Variants in RARB observed in about 807,000 individuals in gnomAD.
RARB encodes retinoic acid receptor beta.
Under a neutral mutation model 51.9 loss-of-function variants are expected in RARB, and 17 were observed. The observed-to-expected ratio is 0.33, with a 90% CI of 0.22 to 0.49. The LOEUF (loss-of-function observed/expected upper bound fraction) is 0.49, where lower values mean the gene tolerates loss of function less well. RARB is among the 20% of genes least tolerant of loss of function. The pLI is 0.99. For synonymous variants in RARB, 215 were observed against 195.4 expected (o/e 1.10, Z -0.84); for missense variants, 369 against 550.8 (o/e 0.67, Z 3.30).
chr3:24,984,380 T>C (rs1362451762), intron 2 of RARB, among the ~76,000 whole-genome samples: 1 of 152,208 alleles, frequency 6.6e-6, no homozygotes, highest in Non-Finnish European at 1.5e-5. Context: ...AAGCACTGTG[T>C]TAAGCGCTGA....
intron 5 of RARB, among the ~76,000 whole-genome samples, chr3:25,238,704 T>C (rs1702360738): frequency 6.6e-6 from 1 of 152,166 alleles, no homozygotes; most frequent in African/African-American, 2.4e-5. Context: ...ACCTGTGGGC[T>C]GGGTGCAGTG....
intron 5 of RARB, among the ~76,000 whole-genome samples, chr3:25,360,722 TCTC>T (rs1446191679): frequency 1.3e-5 from 2 of 148,466 alleles, no homozygotes; most frequent in African/African-American, 5.0e-5. Flanking sequence ...CTCCTTCACT[TCTC>T]CTTCACTTAT....
chr3:25,068,380 C>T (rs906886654), intron 3 of RARB, among the ~76,000 whole-genome samples: 3 of 151,778 alleles, frequency 2.0e-5, no homozygotes, highest in Non-Finnish European at 2.9e-5. Context: ...CACTAATCAC[C>T]ATACTTCTCC....
intron 2 of RARB, among the ~76,000 whole-genome samples, chr3:24,957,626 C>T (rs1319423966): frequency 2.6e-5 from 4 of 152,280 alleles, no homozygotes; most frequent in Non-Finnish European, 5.9e-5. Flanking sequence ...AGCCTTAAAA[C>T]TATTAGTCTA....
intron 5 of RARB, among the ~76,000 whole-genome samples, chr3:25,226,723 C>A (rs1702064134): frequency 1.3e-5 from 2 of 152,144 alleles, no homozygotes; most frequent in Admixed American, 1.3e-4. Flanking sequence ...GGGAGATTCT[C>A]CCCAACTCCA....
At chr3:25,223,991 G>GGT (rs1264087958) in intron 5 of RARB, among the ~76,000 whole-genome samples, 1 of 151,964 alleles carries the variant, frequency 6.6e-6, no homozygotes, top group Non-Finnish European at 1.5e-5. Context: ...CAGTTCCAAG[G>GGT]GTTTTTCTAA....
intron 4 of RARB, among the ~76,000 whole-genome samples, chr3:25,578,081 C>T (rs538640237): frequency 1.1e-4 from 16 of 152,338 alleles, no homozygotes; most frequent in East Asian, 1.9e-4. Context: ...TCTGCTTCTC[C>T]TTCTCTGTTG....
chr3:25,064,034 CA>C lies in RARB; in HGVS notation c.-328+3862del, dbSNP rs199726507. On this transcript the variant is annotated intron_variant, in intron 3 of 11. Coordinates refer to the RARB transcript ENST00000383772. The stretch of plus-strand genomic sequence containing the variant: ...AGCCATAGAGACAGAGAAGGGATTA[CA>C]AAAGTTAAGGAAGATGGGCAGCGGT... Among the ~76,000 whole-genome samples, 1,442 of 152,058 alleles carry C rather than the reference CA, an allele frequency of 9.5e-3. 31 individuals are homozygous for C. The highest frequency in any genetic ancestry group is 0.033 in the African/African-American group (1,369 of 41,480).
intron 5 of RARB, among the ~76,000 whole-genome samples, chr3:25,292,430 C>T (rs1168480573): frequency 6.6e-6 from 1 of 152,088 alleles, no homozygotes; most frequent in Non-Finnish European, 1.5e-5. Flanking sequence ...AGCTTTCTCT[C>T]AAAGAGGGGA....
chr3:25,050,565 C>A (rs528764378), intron 2 of RARB, among the ~76,000 whole-genome samples: 3 of 152,316 alleles, frequency 2.0e-5, no homozygotes, highest in African/African-American at 7.2e-5. Context: ...CCACCCTTTT[C>A]CACCACTGAT....
At chr3:25,584,186 G>A (rs147109723) in intron 5 of RARB, among the ~76,000 whole-genome samples, 2 of 151,828 alleles carry the variant, frequency 1.3e-5, no homozygotes, top group East Asian at 1.9e-4. Flanking sequence ...TCTTCCTTCC[G>A]CAAATATCTG....
chr3:24,941,908 C>T (rs973227195), intron 2 of RARB, among the ~76,000 whole-genome samples: 21 of 152,208 alleles, frequency 1.4e-4, no homozygotes, highest in African/African-American at 4.8e-4. Context: ...TTGCAGTTCT[C>T]TTCTCACCTC....
chr3:25,115,573 CTCCTT>C (rs952970697), intron 3 of RARB, among the ~76,000 whole-genome samples: 4 of 151,832 alleles, frequency 2.6e-5, no homozygotes, highest in African/African-American at 9.7e-5. Context: ...CTCCCCTCCT[CTCCTT>C]TCCTTTCTTT....
chr3:25,258,929 A>G (rs1702931558), intron 5 of RARB: 1 of 501,000 alleles, frequency 2.0e-6, no homozygotes, highest in Non-Finnish European at 2.6e-6. Context: ...AATTCCTCTC[A>G]AAGGCACTAA....
At chr3:25,496,122 A>C (rs142123950) in intron 2 of RARB, among the ~76,000 whole-genome samples, 2 of 152,342 alleles carry the variant, frequency 1.3e-5, no homozygotes, top group African/African-American at 4.8e-5. Context: ...GACGGTTACT[A>C]TGGCTCTGGT....
At chr3:25,594,270 G>T (rs1701725530) in intron 6 of RARB, among the ~76,000 whole-genome samples, 1 of 152,078 alleles carries the variant, frequency 6.6e-6, no homozygotes, top group African/African-American at 2.4e-5. Flanking sequence ...ACACCTTCTG[G>T]TCAAAGGAGG....
chr3:25,425,885 A>G (rs543250683), upstream of RARB, among the ~76,000 whole-genome samples: 1 of 152,286 alleles, frequency 6.6e-6, no homozygotes, highest in East Asian at 1.9e-4. Flanking sequence ...GTTAAGCAAG[A>G]ATGTGCAGCA....
At chr3:25,508,784 A>C (rs1261618517) in intron 3 of RARB, among the ~76,000 whole-genome samples, 1 of 152,134 alleles carries the variant, frequency 6.6e-6, no homozygotes, top group Admixed American at 6.5e-5. Flanking sequence ...GAAAGGCTGG[A>C]AACTTCCTAC....
chr3:25,313,261 A>C (rs1256031736), intron 5 of RARB, among the ~76,000 whole-genome samples: 1 of 152,220 alleles, frequency 6.6e-6, no homozygotes, highest in East Asian at 1.9e-4. Flanking sequence ...ATGTAGATAA[A>C]CCAGACTTAG....
Sources: gnomAD v4.1 joint callset for allele counts (sites outside exome capture counted in the v4.1 genomes callset) on GRCh38, gnomAD v4.1.1 for gene constraint, MANE v1.5 for transcripts, NCBI Gene and HGNC (gene_info 2026-07-23, HGNC 2026-07-21) for gene names.